TTI1: variants seen among roughly 807,000 people sequenced by gnomAD.
TTI1 encodes the protein TELO2 interacting protein 1.
Under a neutral mutation model 85.4 loss-of-function variants are expected in TTI1, and 52 were observed. The ratio of observed to expected loss-of-function variants is 0.61; its 90% confidence interval spans 0.49 to 0.77. The LOEUF is 0.77. Ranked by LOEUF, TTI1 falls within the 30% of genes least tolerant of loss-of-function variation. The pLI is 0.00. For missense variants in TTI1, 1,173 were observed against 1,296.0 expected (o/e 0.91, Z 1.46); for synonymous variants, 512 against 503.9 (o/e 1.02, Z -0.22).
intron 3 of TTI1, among the ~76,000 whole-genome samples, chr20:38,003,567 A>G (rs2073455206): frequency 6.6e-6 from 1 of 152,174 alleles, no homozygotes; most frequent in African/African-American, 2.4e-5. Context: ...AGCCTGACCA[A>G]CATGGCAAAA....
intron 1 of TTI1, among the ~76,000 whole-genome samples, chr20:38,016,344 T>C (rs1459623764): frequency 1.3e-5 from 2 of 152,212 alleles, no homozygotes; most frequent in Non-Finnish European, 2.9e-5. Flanking sequence ...AGAGGGTGTC[T>C]TGTAAAATCC....
chr20:37,998,270 C>A (rs1040635159), intron 5 of TTI1, among the ~76,000 whole-genome samples: 7 of 151,948 alleles, frequency 4.6e-5, no homozygotes, highest in Non-Finnish European at 8.8e-5. Context: ...CACACACACA[C>A]GTATCATTTT....
chr20:38,027,410 T>C (rs1184156184), intron 1 of TTI1, among the ~76,000 whole-genome samples: 1 of 152,152 alleles, frequency 6.6e-6, no homozygotes, highest in African/African-American at 2.4e-5. Context: ...TCAAATACAG[T>C]TGACCCTTGA....
Position 37,996,829 on chromosome 20 carries a change from A to G in TTI1, c.2918T>C (p.Val973Ala), listed in dbSNP as rs2073348168. The change falls in exon 6 of 8, where the codon GTT becomes GCT. Residue 973 changes from valine to alanine, a missense_variant. Coordinates refer to ENST00000373447, the MANE Select transcript of TTI1 (RefSeq NM_001303457.2). ...CTTGAAGGCCAGCGTGTGCGAGTAAACTGGTCCAGCCCTGGCACTGATGGG... is the reference window on the plus strand; with the variant it reads ...CTTGAAGGCCAGCGTGTGCGAGTAAGCTGGTCCAGCCCTGGCACTGATGGG... Reference protein sequence around the residue: ...QAPISARAGPVYSHTLAFKLQ... With the variant: ...QAPISARAGPAYSHTLAFKLQ... 4 of 1,614,054 alleles carry G rather than the reference A, an allele frequency of 2.5e-6. No homozygotes were observed. Among genetic ancestry groups the G allele is most frequent in the Non-Finnish European group, 3.4e-6 (4 of 1,179,964 alleles).
At chr20:37,993,112 C>CTTT (rs756506163) in intron 7 of TTI1, among the ~76,000 whole-genome samples, 4 of 125,328 alleles carry the variant, frequency 3.2e-5, no homozygotes, top group Non-Finnish European at 5.1e-5. Context: ...GGGGAGCTGG[C>CTTT]TTTTTTTTTT....
intron 7 of TTI1, among the ~76,000 whole-genome samples, chr20:37,991,894 T>C (rs1248193354): frequency 1.3e-5 from 2 of 152,210 alleles, no homozygotes; most frequent in African/African-American, 2.4e-5. Context: ...ACAAGCACCC[T>C]ATGAGAATGG....
chr20:38,033,028 A>G (rs2073938738), intron 1 of TTI1, among the ~76,000 whole-genome samples: 1 of 152,088 alleles, frequency 6.6e-6, no homozygotes, highest in Non-Finnish European at 1.5e-5. Context: ...GAGAGCCCAA[A>G]TGTGTGTTTC....
In TTI1 at chr20:38,027,502, T is replaced by A. The variant is rs1370239547; in HGVS notation, c.-42+5902A>T. 2.0e-5 allele frequency among the ~76,000 whole-genome samples: 3 copies of A among 152,266 alleles called. No homozygotes were observed. The East Asian group carries it at 5.8e-4, about 29-fold the overall frequency. ...TTTTGACTCCCCAAAAACTTAACTA[T>A]TGACAGCCTACTGTTGACTGGAAAC... On this transcript the variant is annotated intron_variant, in intron 1 of 7. Coordinates refer to ENST00000373447, the MANE Select transcript of TTI1 (RefSeq NM_001303457.2).
chr20:37,983,571 G>A lies in TTI1; in HGVS notation c.3155C>T (p.Pro1052Leu), dbSNP rs775115478. ...TWFLLNELYC[P>L]VQFTPPHPSL... Reference sequence around the variant, plus strand: ...GGGGTGGGGAGGTGTGAACTGCACGGGGCAGTAAAGCTCGTTCAGGAGGAA... The same window carrying A: ...GGGGTGGGGAGGTGTGAACTGCACGAGGCAGTAAAGCTCGTTCAGGAGGAA... The change falls in exon 8 of 8, where the codon CCC becomes CTC. Residue 1052 changes from proline to leucine, a missense_variant. Physicochemically the swap from Pro to Leu is moderately conservative, Grantham distance 98 (BLOSUM62 -3). Coordinates refer to ENST00000373447, the MANE Select transcript of TTI1 (RefSeq NM_001303457.2). The A allele has an allele frequency of 5.0e-6, 8 of 1,592,068 alleles. No individual in the cohort carries two copies. Among genetic ancestry groups the A allele is most frequent in the Non-Finnish European group, 6.8e-6 (8 of 1,170,242 alleles).
At chr20:38,006,111 T>C in intron 3 of TTI1, 86 bp downstream of exon 3, 2 of 1,487,486 alleles carry the variant, frequency 1.3e-6, no homozygotes, top group South Asian at 1.2e-5. Flanking sequence ...TTCTTATTTC[T>C]ACCCTTTCTG....
At position 38,013,355 on chromosome 20, in the gene TTI1, A is replaced by G. The variant is rs1473738478; in HGVS notation, c.462T>C (p.Ala154=). ...CTGCAAGGCCTAACAGTAAAGATAC[A>G]GCAAATCCTAAACGTGGCAGAATGG... is the stretch of plus-strand genomic sequence containing the variant. ...EPSILPRLGF[A]VSLLLGLAEQ... Residue 154 remains alanine, a synonymous_variant, in exon 2 of 8, where the codon GCT becomes GCC. Coordinates refer to ENST00000373447, the MANE Select transcript of TTI1 (RefSeq NM_001303457.2). The G allele has an allele frequency of 1.9e-6, 3 of 1,614,166 alleles. No homozygotes were observed. Among genetic ancestry groups the G allele is most frequent in the Non-Finnish European group, 2.5e-6 (3 of 1,180,046 alleles).
rs1402888437 is a variant in TTI1 at position 38,006,200 on chromosome 20, CTTCA to C, written c.2496_2499del (p.Asn832LysfsTer30). 5 of 1,614,018 alleles carry C rather than the reference CTTCA, an allele frequency of 3.1e-6. No homozygotes were observed. The highest frequency in any genetic ancestry group is 4.2e-6 in the Non-Finnish European group (5 of 1,180,010). On this transcript the variant is annotated frameshift_variant, in exon 3 of 8. Transcript: ENST00000373447. LOFTEE classifies it high-confidence loss of function. ...TAAGCCAAAATAAACAAGTTACCTT[CTTCA>C]TTATCAAAATCCGAGACATTTCCAT...
At chr20:37,985,258 C>A (rs569313299) in intron 7 of TTI1, among the ~76,000 whole-genome samples, 1 of 152,330 alleles carries the variant, frequency 6.6e-6, no homozygotes, top group East Asian at 1.9e-4. Context: ...ATTAACAGTA[C>A]ATAGTATCTA....
At chr20:38,021,435 A>C (rs1168665994) in intron 1 of TTI1, among the ~76,000 whole-genome samples, 1 of 152,214 alleles carries the variant, frequency 6.6e-6, no homozygotes, top group Non-Finnish European at 1.5e-5. Flanking sequence ...GATTACTTAG[A>C]GTGGTGCTGC....
chr20:38,005,543 CTGG>C (rs2073483962), intron 3 of TTI1, among the ~76,000 whole-genome samples: 3 of 152,122 alleles, frequency 2.0e-5, no homozygotes, highest in Admixed American at 2.0e-4. Context: ...TTCAACCTCA[CTGG>C]TAATCAAAGA....
At position 38,013,066 on chromosome 20, in the gene TTI1, G is replaced by A; in HGVS notation, c.751C>T (p.Gln251Ter). The A allele has an allele frequency of 1.2e-6, 2 of 1,614,186 alleles. No individual in the cohort carries two copies. Among genetic ancestry groups the A allele is most frequent in the Non-Finnish European group, 1.7e-6 (2 of 1,180,038 alleles). ...KTVSFIMADE[Q>*]LKRISKVQAK... ...TGGACCTTTGAGATTCTTTTGAGCT[G>A]TTCATCAGCCATAATGAAGCTCACT... The change falls in exon 2 of 8, where the codon CAG becomes TAG. Residue 251 changes from glutamine (Q) to a stop codon, truncating the protein, a stop_gained. Transcript: ENST00000373447. LOFTEE classifies it high-confidence loss of function.
At chr20:37,998,226 C>T (rs944963138) in intron 5 of TTI1, among the ~76,000 whole-genome samples, 2 of 151,158 alleles carry the variant, frequency 1.3e-5, no homozygotes, top group African/African-American at 4.9e-5. Context: ...CCGCGACTGG[C>T]CTAATCTCCC....
chr20:38,000,076 G>C (rs2122526945), intron 4 of TTI1, among the ~76,000 whole-genome samples: 1 of 152,346 alleles, frequency 6.6e-6, no homozygotes, highest in East Asian at 1.9e-4. Context: ...GAGGAGAGAA[G>C]TGAAAGGACT....
In TTI1 at chr20:37,983,339, C is replaced by T; in HGVS notation, c.*117G>A. 9.9e-7 allele frequency: 1 copy of T among 1,008,528 alleles called. No homozygotes were observed. The highest frequency in any genetic ancestry group is 3.3e-4 in the Middle Eastern group (1 of 3,046). The allele number at this position is 1,008,528 out of a possible 1,614,324, so 62.5% of individuals were successfully genotyped here. ...ATCGATCAATTTATAAATCGATTGG[C>T]TAACTAATTCACCTTCTCTGCTGCC... is the stretch of plus-strand genomic sequence containing the variant. On this transcript the variant is annotated 3_prime_UTR_variant, in exon 8 of 8. Transcript: ENST00000373447.
Sources: allele counts gnomAD v4.1 joint callset (sites outside exome capture counted in the v4.1 genomes callset), GRCh38; gene constraint gnomAD v4.1.1; transcripts MANE v1.5; gene names NCBI Gene and HGNC (gene_info 2026-07-23, HGNC 2026-07-21).